C1orf105: variants seen among roughly 807,000 people sequenced by gnomAD.
The protein encoded by C1orf105 is chromosome 1 open reading frame 105.
C1orf105 carries 17 observed loss-of-function variants against 20.8 expected under a neutral mutation model. That is an observed-to-expected ratio of 0.82 (90% CI 0.56 to 1.23). C1orf105 has a LOEUF of 1.23. C1orf105 is among the 50% of genes most tolerant of loss of function. C1orf105 has a pLI of 0.00. For missense variants in C1orf105, 219 were observed against 213.5 expected (o/e 1.03, Z -0.16); for synonymous variants, 72 against 72.1 (o/e 1.00, Z 0.01).
At chr1:172,455,768 G>C (rs918430439) in intron 3 of C1orf105, among the ~76,000 whole-genome samples, 1 of 152,130 alleles carries the variant, frequency 6.6e-6, no homozygotes, top group African/African-American at 2.4e-5. Flanking sequence ...CTCTTTCCCA[G>C]AGGATTGAGG....
At chr1:172,464,443 T>C (rs542032534) in intron 5 of C1orf105, among the ~76,000 whole-genome samples, 17 of 152,366 alleles carry the variant, frequency 1.1e-4, no homozygotes, top group African/African-American at 3.6e-4. Flanking sequence ...AATATGTCAG[T>C]CTTTAGAAAT....
At chr1:172,461,358 T>C (rs1025289005) in intron 4 of C1orf105, among the ~76,000 whole-genome samples, 1 of 152,244 alleles carries the variant, frequency 6.6e-6, no homozygotes, top group East Asian at 1.9e-4. Flanking sequence ...ACTTAAATCA[T>C]GAGTCACTTG....
chr1:172,463,327 A>G (rs1432645762), intron 5 of C1orf105, among the ~76,000 whole-genome samples: 1 of 152,230 alleles, frequency 6.6e-6, no homozygotes, highest in Non-Finnish European at 1.5e-5. Context: ...AATAATGTGG[A>G]AAAATAAATA....
rs773759506 is a variant in C1orf105 at position 172,442,512 on chromosome 1, G to T, written c.22-2561G>T. 3.7e-6 allele frequency: 6 copies of T among 1,613,998 alleles called. No homozygotes were observed. The Admixed American group carries it at 5.0e-5, about 13-fold the overall frequency. On this transcript the variant is annotated intron_variant, in intron 1 of 6. Transcript: ENST00000367727. ...ATTTCCGAGCATGGATGTTTTTCCGGAGCTCTTCCAGGAATCGCCGGTCCA... is the reference window on the plus strand; with the variant it reads ...ATTTCCGAGCATGGATGTTTTTCCGTAGCTCTTCCAGGAATCGCCGGTCCA...
chr1:172,440,722 G>C (rs1410410652), intron 1 of C1orf105, among the ~76,000 whole-genome samples: 2 of 152,094 alleles, frequency 1.3e-5, no homozygotes, highest in East Asian at 3.9e-4. Context: ...AGGACAGATG[G>C]GCACAGTAGT....
At chr1:172,439,044 C>G (rs531587780) in intron 1 of C1orf105, among the ~76,000 whole-genome samples, 2 of 152,192 alleles carry the variant, frequency 1.3e-5, no homozygotes, top group Non-Finnish European at 2.9e-5. Context: ...TTTATACACA[C>G]TGGAAAACCA....
chr1:172,448,435 A>T lies in C1orf105; in HGVS notation c.108-6A>T. ...GTTCTAACGTTCTCTTGTTTTAATT[A>T]CTTAGATATCCTCATACCTCTGCGA... On this transcript the variant is annotated splice_region_variant and splice_polypyrimidine_tract_variant and intron_variant, in intron 2 of 6. Transcript: ENST00000367727. 1 of 1,585,868 alleles carries T rather than the reference A, an allele frequency of 6.3e-7. No homozygotes were observed. Among genetic ancestry groups the T allele is most frequent in the Non-Finnish European group, 8.6e-7 (1 of 1,156,614 alleles).
intron 3 of C1orf105, among the ~76,000 whole-genome samples, chr1:172,450,722 G>A (rs1316126244): frequency 2.0e-5 from 3 of 152,310 alleles, no homozygotes; most frequent in South Asian, 2.1e-4. Context: ...CCCCTGCCCC[G>A]GAGCAGCCCC....
chr1:172,462,282 C>T, intron 5 of C1orf105, 37 bp downstream of exon 5: 1 of 1,443,756 alleles, frequency 6.9e-7, no homozygotes, highest in Admixed American at 1.9e-5. Flanking sequence ...TGACTTAATT[C>T]TTGTTATGTC....
intron 1 of C1orf105, among the ~76,000 whole-genome samples, chr1:172,429,221 TATAC>T (rs1335323245): frequency 5.4e-4 from 34 of 62,840 alleles, no homozygotes; most frequent in African/African-American, 2.1e-3. Flanking sequence ...TAAATACAAA[TATAC>T]ACACACACAC....
At chr1:172,431,133 A>G in intron 1 of C1orf105, 1 of 573,776 alleles carries the variant, frequency 1.7e-6, no homozygotes, top group Admixed American at 2.9e-5. Flanking sequence ...TGTTCAAATG[A>G]AGAGTTGCAC....
At chr1:172,456,846 T>C (rs1289326003) in intron 4 of C1orf105, among the ~76,000 whole-genome samples, 3 of 152,126 alleles carry the variant, frequency 2.0e-5, no homozygotes, top group Non-Finnish European at 4.4e-5. Flanking sequence ...CTCACACTCA[T>C]TTCTCCACCG....
rs183750774 is a variant in C1orf105, at chr1:172,468,759, C to A, written c.*165C>A. On this transcript the variant is annotated 3_prime_UTR_variant, in exon 7 of 7. Coordinates refer to ENST00000367727, the MANE Select transcript of C1orf105 (RefSeq NM_139240.4). ...GTATTCTAGCTCTTACCTCTATGTT[C>A]TTTCTCACGTCTCCTAAAGACAAAA... 550 of 618,254 alleles carry A rather than the reference C, an allele frequency of 8.9e-4. No homozygotes were observed. The highest frequency in any genetic ancestry group is 1.1e-3 in the Non-Finnish European group (411 of 372,804). 38.3% of individuals were successfully genotyped at this position (618,254 alleles called of 1,614,324 possible).
At chr1:172,440,545 T>A (rs922321927) in intron 1 of C1orf105, among the ~76,000 whole-genome samples, 1 of 152,210 alleles carries the variant, frequency 6.6e-6, no homozygotes, top group African/African-American at 2.4e-5. Flanking sequence ...TATTTCCGCC[T>A]TAGACAAACT....
intron 3 of C1orf105, among the ~76,000 whole-genome samples, chr1:172,453,641 T>C (rs1648909492): frequency 6.6e-6 from 1 of 152,258 alleles, no homozygotes; most frequent in Non-Finnish European, 1.5e-5. Context: ...TCATAGGTTC[T>C]AGGAATACAA....
intron 1 of C1orf105, chr1:172,441,391 A>ACACACACT (rs1374364721): frequency 5.7e-6 from 1 of 174,196 alleles, no homozygotes; most frequent in Non-Finnish European, 1.2e-5. Flanking sequence ...ACACACACAC[A>ACACACACT]CTTACTTCAC....
chr1:172,430,239 T>C (rs1000025899), intron 1 of C1orf105: 6 of 677,404 alleles, frequency 8.9e-6, no homozygotes, highest in Admixed American at 4.5e-5. Context: ...ATTTAAGTGA[T>C]GAGTAACTTC....
At chr1:172,450,901 T>G (rs545163148) in intron 3 of C1orf105, 27 of 152,410 alleles carry the variant, frequency 1.8e-4, no homozygotes, top group African/African-American at 6.0e-4. Flanking sequence ...GAGGCAGGTC[T>G]GTCAAAGAAG....
intron 4 of C1orf105, among the ~76,000 whole-genome samples, chr1:172,460,092 G>T (rs966850563): frequency 3.3e-5 from 5 of 151,938 alleles, no homozygotes; most frequent in Non-Finnish European, 5.9e-5. Flanking sequence ...TTCTTTTTGG[G>T]GTCATGAACT....
Sources: gnomAD v4.1 joint callset for allele counts (sites outside exome capture counted in the v4.1 genomes callset) on GRCh38, gnomAD v4.1.1 for gene constraint, MANE v1.5 for transcripts, NCBI Gene and HGNC (gene_info 2026-07-23, HGNC 2026-07-21) for gene names.